Variants in DNASE1 observed in about 807,000 individuals in gnomAD.
DNASE1 encodes the protein deoxyribonuclease-1.
Under a neutral mutation model 33.9 loss-of-function variants are expected in DNASE1, and 40 were observed. The ratio of observed to expected loss-of-function variants is 1.18; its 90% CI spans 0.92 to 1.54. The LOEUF is 1.54. DNASE1 is among the 40% of genes most tolerant of loss of function. The pLI is 0.00. For missense variants in DNASE1, 518 were observed against 372.6 expected (o/e 1.39, Z -3.21); for synonymous variants, 216 against 160.0 (o/e 1.35, Z -2.64).
At chr16:3,627,438 A>ATTTTATT (rs1369438170) in intron 1 of DNASE1, among the ~76,000 whole-genome samples, 4 of 151,642 alleles carry the variant, frequency 2.6e-5, no homozygotes, top group East Asian at 3.9e-4. Flanking sequence ...TGGCTGGGTA[A>ATTTTATT]TTTTATTTTT....
exon 10 of DNASE1, chr16:3,663,350 C>A: frequency 6.3e-7 from 1 of 1,580,404 alleles, no homozygotes; most frequent in Non-Finnish European, 8.6e-7. Flanking sequence ...CCAAAGGAAG[C>A]CCTCGCTGCG....
At chr16:3,636,930 C>T (rs752214910) in intron 1 of DNASE1, among the ~76,000 whole-genome samples, 2 of 151,440 alleles carry the variant, frequency 1.3e-5, no homozygotes, top group Non-Finnish European at 2.9e-5. Flanking sequence ...TCGAGACCAG[C>T]CTGATCAACA....
chr16:3,634,669 C>T (rs893967191), intron 1 of DNASE1, among the ~76,000 whole-genome samples: 5 of 152,002 alleles, frequency 3.3e-5, no homozygotes, highest in Admixed American at 2.6e-4. Flanking sequence ...ACCACCATGC[C>T]TAGATAATTT....
At chr16:3,635,174 T>C (rs2041829592) in intron 1 of DNASE1, among the ~76,000 whole-genome samples, 1 of 152,058 alleles carries the variant, frequency 6.6e-6, no homozygotes, top group Non-Finnish European at 1.5e-5. Context: ...ATAAGAAAAG[T>C]AGACCGGGCG....
At chr16:3,637,832 C>G (rs2041914971) in intron 1 of DNASE1, among the ~76,000 whole-genome samples, 1 of 152,158 alleles carries the variant, frequency 6.6e-6, no homozygotes, top group African/African-American at 2.4e-5. Flanking sequence ...TTTTCCTACC[C>G]TCGTTTCCAC....
At chr16:3,619,598 T>C (rs914886435) in intron 1 of DNASE1, among the ~76,000 whole-genome samples, 4 of 151,766 alleles carry the variant, frequency 2.6e-5, no homozygotes, top group African/African-American at 9.7e-5. Flanking sequence ...GCGGACCTTG[T>C]GATCTGCCCA....
chr16:3,622,335 C>T (rs1186142465), intron 1 of DNASE1, among the ~76,000 whole-genome samples: 1 of 151,516 alleles, frequency 6.6e-6, no homozygotes. Context: ...TTTACTATTT[C>T]AGCGGTTAAA....
chr16:3,627,792 A>G (rs906062199), intron 1 of DNASE1, among the ~76,000 whole-genome samples: 13 of 152,118 alleles, frequency 8.5e-5, no homozygotes, highest in Non-Finnish European at 1.2e-4. Context: ...CCAGTACCAC[A>G]TTGTTGTGAT....
downstream of DNASE1, chr16:3,661,991 G>C: frequency 6.2e-7 from 1 of 1,605,696 alleles, no homozygotes; most frequent in South Asian, 1.1e-5. Flanking sequence ...CCTCACCTGG[G>C]GTTGATCTCC....
rs1313872230 is a variant in DNASE1 at position 3,637,675 on chromosome 16, C to G, written c.-1358-3040C>G. On this transcript the variant is annotated intron_variant and NMD_transcript_variant, in intron 1 of 11. Coordinates refer to the DNASE1 transcript ENST00000570769. ...CAGGCCTTGTTAAGAACAGGAAGCT[C>G]TAGACATAGTCCACATGGCTGCTTT... is the stretch of plus-strand genomic sequence containing the variant. 2.6e-5 allele frequency among the ~76,000 whole-genome samples: 4 copies of G among 152,170 alleles called. 1 individual carries two copies. The highest frequency in any genetic ancestry group is 4.1e-4 in the South Asian group (2 of 4,828).
chr16:3,626,016 C>G (rs2041498171), intron 1 of DNASE1, among the ~76,000 whole-genome samples: 1 of 152,130 alleles, frequency 6.6e-6, no homozygotes, highest in African/African-American at 2.4e-5. Context: ...GGGAAGATCA[C>G]TTGAGCCTGA....
intron 1 of DNASE1, among the ~76,000 whole-genome samples, chr16:3,619,590 G>A (rs1281455390): frequency 2.1e-5 from 3 of 144,542 alleles, no homozygotes; most frequent in Non-Finnish European, 3.0e-5. Flanking sequence ...CTCTATCTGC[G>A]GACCTTGTGA....
At chr16:3,628,355 T>G (rs1567191005) in intron 1 of DNASE1, among the ~76,000 whole-genome samples, 1 of 152,188 alleles carries the variant, frequency 6.6e-6, no homozygotes, top group Non-Finnish European at 1.5e-5. Context: ...GGCCTAGTTT[T>G]TTACATATCA....
intron 1 of DNASE1, among the ~76,000 whole-genome samples, chr16:3,623,784 A>G (rs1479579304): frequency 6.6e-6 from 1 of 152,172 alleles, no homozygotes; most frequent in Non-Finnish European, 1.5e-5. Flanking sequence ...GAAGACATAC[A>G]AGCGGCAAAG....
chr16:3,636,910 G>A (rs2041885100), intron 1 of DNASE1, among the ~76,000 whole-genome samples: 1 of 151,960 alleles, frequency 6.6e-6, no homozygotes, highest in African/African-American at 2.4e-5. Flanking sequence ...GATCACTTGA[G>A]GTCAGGAGTT....
chr16:3,646,907 T>G (rs904793980), intron 1 of DNASE1, among the ~76,000 whole-genome samples: 1 of 151,958 alleles, frequency 6.6e-6, no homozygotes, highest in Non-Finnish European at 1.5e-5. Context: ...TGGATGGTGG[T>G]GGCACTATAG....
At chr16:3,648,561 T>C (rs2042240735) in intron 1 of DNASE1, among the ~76,000 whole-genome samples, 1 of 152,114 alleles carries the variant, frequency 6.6e-6, no homozygotes, top group Non-Finnish European at 1.5e-5. Context: ...CAGGCTGCAG[T>C]GCAGAGCCAA....
In DNASE1 at chr16:3,657,990, G is replaced by C. The variant is rs1490452926; in HGVS notation, c.*37G>C. 3.1e-6 allele frequency: 5 copies of C among 1,612,818 alleles called. No homozygotes were observed. In the South Asian group the frequency reaches 4.4e-5, roughly 14 times the overall value. ...CCACACCAGTTGAACTGCAGGAAGAGAGGACCCATCCTGCCACAGGACCCA... is the reference window on the plus strand; with the variant it reads ...CCACACCAGTTGAACTGCAGGAAGACAGGACCCATCCTGCCACAGGACCCA... On this transcript the variant is annotated 3_prime_UTR_variant, in exon 9 of 9. Coordinates refer to ENST00000246949, the MANE Select transcript of DNASE1 (RefSeq NM_005223.4).
At chr16:3,619,660 C>T (rs527652098) in intron 1 of DNASE1, among the ~76,000 whole-genome samples, 6 of 151,962 alleles carry the variant, frequency 3.9e-5, no homozygotes, top group South Asian at 4.2e-4. Flanking sequence ...TGTGCCTGGC[C>T]GCCTGTAGGT....
Sources: gnomAD v4.1 joint callset for allele counts (sites outside exome capture counted in the v4.1 genomes callset) on GRCh38, gnomAD v4.1.1 for gene constraint, MANE v1.5 for transcripts, NCBI Gene and HGNC (gene_info 2026-07-23, HGNC 2026-07-21) for gene names.